Variants in KLHDC4 observed in about 807,000 individuals in gnomAD.
The protein encoded by KLHDC4 is kelch domain-containing protein 4.
KLHDC4 carries 90 observed loss-of-function variants against 62.4 expected under a neutral mutation model. The observed-to-expected ratio is 1.44, with a 90% CI of 1.22 to 1.72. The LOEUF is 1.72. Among genes scored for constraint, KLHDC4 ranks in the 40% most tolerant of loss-of-function variants. The pLI is 0.00. For synonymous variants in KLHDC4, 386 were observed against 284.4 expected (o/e 1.36, Z -3.59); for missense variants, 1,025 against 699.7 (o/e 1.47, Z -5.25).
exon 1 of KLHDC4, chr16:87,701,307 G>A (rs2034133564): frequency 8.3e-6 from 2 of 241,850 alleles, no homozygotes. Flanking sequence ...ACCCAGGTTA[G>A]CAAGAGGGTA....
At chr16:87,702,060 C>A (rs1466062440) in exon 1 of KLHDC4, 2 of 455,800 alleles carry the variant, frequency 4.4e-6, no homozygotes, top group Non-Finnish European at 4.4e-6. Flanking sequence ...TGACCCCAGG[C>A]TGCTGTGAGA....
intron 5 of KLHDC4, among the ~76,000 whole-genome samples, chr16:87,746,294 G>A (rs2043020860): frequency 6.7e-6 from 1 of 150,112 alleles, no homozygotes; most frequent in South Asian, 2.1e-4. Context: ...AAGAAAGAAA[G>A]GAAGGAGAAA....
intron 6 of KLHDC4, 139 bp downstream of exon 6, chr16:87,730,413 T>C (rs544648914): frequency 2.4e-4 from 160 of 678,190 alleles, no homozygotes; most frequent in South Asian, 2.2e-3. Flanking sequence ...GGCAAGGCCC[T>C]GTGTGGCTGC....
At chr16:87,703,006 G>T (rs2034227387), downstream of KLHDC4, 1 of 152,226 alleles carries the variant, frequency 6.6e-6, no homozygotes, top group African/African-American at 2.4e-5. Context: ...ACACTGTCAA[G>T]ATTAAAAAGA....
At chr16:87,701,181 G>A (rs1018421148) in exon 1 of KLHDC4, 6 of 211,024 alleles carry the variant, frequency 2.8e-5, no homozygotes, top group South Asian at 7.7e-5. Flanking sequence ...ACAAGGGTCC[G>A]TGGCAACCAC....
chr16:87,713,324 C>T (rs1303588371), intron 8 of KLHDC4, among the ~76,000 whole-genome samples: 2 of 152,032 alleles, frequency 1.3e-5, no homozygotes, highest in African/African-American at 2.4e-5. Flanking sequence ...CTCAGCCTCC[C>T]GAGTAGCTGG....
chr16:87,758,380 G>A (rs960806542), intron 2 of KLHDC4, among the ~76,000 whole-genome samples: 2 of 152,148 alleles, frequency 1.3e-5, no homozygotes, highest in African/African-American at 4.8e-5. Context: ...GCCATAAGAA[G>A]AAATAAAGTT....
intron 8 of KLHDC4, among the ~76,000 whole-genome samples, chr16:87,712,719 C>T (rs919420822): frequency 9.2e-5 from 14 of 152,230 alleles, no homozygotes; most frequent in Admixed American, 2.0e-4. Flanking sequence ...ATTAACCCTT[C>T]GGGTATTTCT....
At chr16:87,734,049 TA>T (rs1380641231) in intron 5 of KLHDC4, among the ~76,000 whole-genome samples, 1 of 152,178 alleles carries the variant, frequency 6.6e-6, no homozygotes, top group Non-Finnish European at 1.5e-5. Context: ...GCAGGTACCC[TA>T]AAAAACACAA....
At chr16:87,736,176 G>T (rs1470327227) in intron 5 of KLHDC4, among the ~76,000 whole-genome samples, 1 of 152,164 alleles carries the variant, frequency 6.6e-6, no homozygotes, top group Non-Finnish European at 1.5e-5. Flanking sequence ...CGCCTGCACT[G>T]ACGGGAGAGC....
intron 7 of KLHDC4, 65 bp from the exon 8 acceptor site, chr16:87,714,638 A>G: frequency 6.5e-7 from 1 of 1,549,450 alleles, no homozygotes; most frequent in Non-Finnish European, 8.9e-7. Context: ...AGACCCCCCA[A>G]CCCTGTGGGC....
intron 5 of KLHDC4, among the ~76,000 whole-genome samples, chr16:87,732,276 A>G (rs1232488786): frequency 6.6e-6 from 1 of 151,874 alleles, no homozygotes; most frequent in Non-Finnish European, 1.5e-5. Flanking sequence ...TTGTATTTTT[A>G]GTAGAGATGG....
intron 2 of KLHDC4, among the ~76,000 whole-genome samples, chr16:87,758,677 C>G (rs1449999122): frequency 6.6e-6 from 1 of 152,090 alleles, no homozygotes; most frequent in South Asian, 2.1e-4. Context: ...AGCTGATGAG[C>G]TTTAAAAAAA....
At chr16:87,727,236 G>C (rs986161606) in intron 6 of KLHDC4, among the ~76,000 whole-genome samples, 2 of 152,218 alleles carry the variant, frequency 1.3e-5, no homozygotes, top group South Asian at 2.1e-4. Flanking sequence ...GCACGTATGA[G>C]TTTGCATTTG....
At chr16:87,729,025 C>A (rs967042310) in intron 6 of KLHDC4, among the ~76,000 whole-genome samples, 3 of 152,100 alleles carry the variant, frequency 2.0e-5, no homozygotes, top group Non-Finnish European at 4.4e-5. Flanking sequence ...GATCCACCCA[C>A]CTCAGCCTCC....
chr16:87,712,405 G>A (rs1344994987), intron 8 of KLHDC4, among the ~76,000 whole-genome samples: 2 of 152,270 alleles, frequency 1.3e-5, no homozygotes, highest in East Asian at 1.9e-4. Context: ...CTGTGTGAAG[G>A]AACAGGGAAG....
rs141728507 is a variant in KLHDC4 at position 87,720,560 on chromosome 16, C to T, written c.760-5987G>A. Among the ~76,000 whole-genome samples the T allele has an allele frequency of 9.6e-4, 145 of 151,550 alleles. 1 individual carries two copies. In the South Asian group the frequency reaches 0.012, roughly 13 times the overall value. On this transcript the variant is annotated intron_variant, in intron 7 of 11. Coordinates refer to ENST00000270583, the MANE Select transcript of KLHDC4 (RefSeq NM_017566.4). ...CGGAGACGCCGCGCCCCTGGGGAGA[C>T]GCCGCACCACATCAGTGCACAGGAG...
chr16:87,743,295 A>G (rs1016380824), intron 5 of KLHDC4, among the ~76,000 whole-genome samples: 2 of 151,888 alleles, frequency 1.3e-5, no homozygotes, highest in East Asian at 1.9e-4. Context: ...GGGTCTTACT[A>G]TGTTGTCCCG....
At chr16:87,724,095 C>G (rs1251818861) in intron 7 of KLHDC4, among the ~76,000 whole-genome samples, 2 of 152,190 alleles carry the variant, frequency 1.3e-5, no homozygotes, top group Non-Finnish European at 1.5e-5. Flanking sequence ...GACTCAGCCT[C>G]CCAAAGTGCT....
Sources: allele counts gnomAD v4.1 joint callset (sites outside exome capture counted in the v4.1 genomes callset), GRCh38; gene constraint gnomAD v4.1.1; transcripts MANE v1.5; gene names NCBI Gene and HGNC (gene_info 2026-07-23, HGNC 2026-07-21).